MAST4: variants seen among roughly 807,000 people sequenced by gnomAD.
MAST4 encodes the protein microtubule-associated serine/threonine-protein kinase 4.
A neutral mutation model predicts 162.7 loss-of-function variants in MAST4; 89 were observed. The observed-to-expected ratio is 0.55, with a 90% CI of 0.46 to 0.65. MAST4 has a LOEUF of 0.65. MAST4 is among the 30% of genes least tolerant of loss of function. MAST4 has a pLI of 0.00. For synonymous variants in MAST4, 1,479 were observed against 1,361.1 expected (o/e 1.09, Z -1.91); for missense variants, 3,153 against 3,374.0 (o/e 0.93, Z 1.62).
chr5:66,668,454 A>G (rs1219846839), intron 1 of MAST4, among the ~76,000 whole-genome samples: 3 of 152,196 alleles, frequency 2.0e-5, no homozygotes, highest in Non-Finnish European at 4.4e-5. Flanking sequence ...TCAGTTGGTA[A>G]TTTGTATCCA....
chr5:67,011,509 G>A lies in MAST4; in HGVS notation c.675-42895G>A, dbSNP rs911512931. ...TCTGTCATTTCTAGTTAGCTCTCAC[G>A]TTGCTAATATTCCATGACGCCGTCC... On this transcript the variant is annotated intron_variant, in intron 4 of 28. Transcript: ENST00000403625. 1.2e-4 allele frequency among the ~76,000 whole-genome samples: 18 copies of A among 152,192 alleles called. No homozygotes were observed. The South Asian group carries it at 1.2e-3, about 10-fold the overall frequency.
At chr5:67,080,937 ATATAT>A (rs1210937258) in intron 5 of MAST4, among the ~76,000 whole-genome samples, 4 of 140,148 alleles carry the variant, frequency 2.9e-5, no homozygotes, top group African/African-American at 1.1e-4. Context: ...CTTTAATTAT[ATATAT>A]TATATAATAT....
chr5:67,015,550 T>C (rs1753189174), intron 4 of MAST4, among the ~76,000 whole-genome samples: 1 of 152,218 alleles, frequency 6.6e-6, no homozygotes, highest in South Asian at 2.1e-4. Context: ...CTCTGTTTTG[T>C]TTTTGCCGTC....
intron 1 of MAST4, among the ~76,000 whole-genome samples, chr5:66,712,208 A>AT (rs1224582692): frequency 1.3e-5 from 2 of 152,208 alleles, no homozygotes; most frequent in African/African-American, 4.8e-5. Context: ...TGTGGTATGT[A>AT]TATATTTAGG....
At chr5:66,634,142 C>T (rs1390592889) in intron 1 of MAST4, among the ~76,000 whole-genome samples, 1 of 151,798 alleles carries the variant, frequency 6.6e-6, no homozygotes, top group Non-Finnish European at 1.5e-5. Context: ...TCACCGCAAC[C>T]TCCACCTCCT....
intron 1 of MAST4, among the ~76,000 whole-genome samples, chr5:66,698,368 AC>A: frequency 8.0e-6 from 1 of 125,156 alleles, no homozygotes; most frequent in East Asian, 2.3e-4. Context: ...ACCCCTTTCC[AC>A]CCATCCCCAC....
At chr5:67,057,920 AATGAT>A (rs1759057785) in intron 5 of MAST4, among the ~76,000 whole-genome samples, 1 of 151,004 alleles carries the variant, frequency 6.6e-6, no homozygotes, top group Non-Finnish European at 1.5e-5. Context: ...CAAAACATGA[AATGAT>A]ATGTCATTGC....
intron 1 of MAST4, among the ~76,000 whole-genome samples, chr5:66,617,419 TG>T (rs1389400494): frequency 6.6e-6 from 1 of 152,142 alleles, no homozygotes; most frequent in African/African-American, 2.4e-5. Flanking sequence ...ATGATTCACA[TG>T]ATTTCAAAAC....
At chr5:66,794,081 T>C (rs1755541337) in intron 3 of MAST4, among the ~76,000 whole-genome samples, 1 of 152,208 alleles carries the variant, frequency 6.6e-6, no homozygotes, top group Admixed American at 6.5e-5. Context: ...CTCTTGTATA[T>C]TTATGGTTTT....
chr5:66,670,445 G>A (rs913646299), intron 1 of MAST4, among the ~76,000 whole-genome samples: 3 of 152,028 alleles, frequency 2.0e-5, no homozygotes, highest in Non-Finnish European at 4.4e-5. Context: ...TCCTTCCCGA[G>A]TTTATTATAA....
intron 2 of MAST4, among the ~76,000 whole-genome samples, chr5:66,760,077 C>CAATTTATTTATT (rs58766667): frequency 0.019 from 2,742 of 147,242 alleles, 73 homozygotes; most frequent in African/African-American, 0.032. Flanking sequence ...ACAATATCCC[C>CAATTTATTTATT]TATTTATTTA....
intron 1 of MAST4, among the ~76,000 whole-genome samples, chr5:66,643,185 C>T (rs544575705): frequency 1.3e-5 from 2 of 152,146 alleles, no homozygotes; most frequent in South Asian, 2.1e-4. Context: ...AGAAAAAATC[C>T]GCTTGATATG....
intron 3 of MAST4, among the ~76,000 whole-genome samples, chr5:66,837,894 A>T (rs897865793): frequency 3.7e-3 from 199 of 53,630 alleles, no homozygotes; most frequent in African/African-American, 7.3e-3. Flanking sequence ...ATATATATAT[A>T]TTTTTTTTTT....
At chr5:66,622,207 C>G (rs1744120426) in intron 1 of MAST4, among the ~76,000 whole-genome samples, 1 of 152,078 alleles carries the variant, frequency 6.6e-6, no homozygotes, top group African/African-American at 2.4e-5. Flanking sequence ...AAGATTTGAA[C>G]AAGATGATGT....
Position 67,007,721 on chromosome 5 carries a change from A to G in MAST4, c.675-46683A>G, listed in dbSNP as rs550526501. On this transcript the variant is annotated intron_variant, in intron 4 of 28. Coordinates refer to ENST00000403625, the MANE Select transcript of MAST4 (RefSeq NM_001164664.2). Reference sequence around the variant, plus strand: ...ACCTTAAACCTTTATTATGGTAGAAATTGTCATCATGGAAACTTTTGGTTT... The same window carrying G: ...ACCTTAAACCTTTATTATGGTAGAAGTTGTCATCATGGAAACTTTTGGTTT... Among the ~76,000 whole-genome samples, 26 of 152,304 alleles carry G rather than the reference A, an allele frequency of 1.7e-4. No individual in the cohort carries two copies. The South Asian group carries it at 4.8e-3, about 28-fold the overall frequency.
Position 67,165,224 on chromosome 5 carries a change from CCT to C in MAST4, c.6050_6051del (p.Ser2017CysfsTer33), listed in dbSNP as rs1221303473. ...AAACCAGTGACAACTCCAAAAATCT[CCT>C]CTCTGTGGGAAGGACCCACCCAGAT... is the stretch of plus-strand genomic sequence containing the variant. ...AKTSDNSKNL[L>X]SVGRTHPDFY... On this transcript the variant is annotated frameshift_variant, in exon 29 of 29. Transcript: ENST00000403625. LOFTEE classifies it low-confidence loss of function (END_TRUNC). The C allele has an allele frequency of 6.2e-7, 1 of 1,608,088 alleles. No individual in the cohort carries two copies. Among genetic ancestry groups the C allele is most frequent in the Non-Finnish European group, 8.5e-7 (1 of 1,175,640 alleles).
At chr5:66,665,936 C>A (rs6860284) in intron 1 of MAST4, among the ~76,000 whole-genome samples, 83,108 of 152,032 alleles carry the variant, frequency 0.55, 22,884 homozygotes, top group South Asian at 0.66. Flanking sequence ...CTGGAAAAAC[C>A]TATTGGAAGT....
At chr5:66,634,947 T>A (rs984642476) in intron 1 of MAST4, among the ~76,000 whole-genome samples, 2 of 152,170 alleles carry the variant, frequency 1.3e-5, no homozygotes, top group Non-Finnish European at 2.9e-5. Context: ...GCTCCAGATG[T>A]GGCCAGATGT....
chr5:67,089,228 G>A (rs1280167396), intron 5 of MAST4, among the ~76,000 whole-genome samples: 2 of 152,188 alleles, frequency 1.3e-5, no homozygotes, highest in Non-Finnish European at 2.9e-5. Context: ...GTGGTCCTCA[G>A]ACAATTCCGC....
Sources: allele counts gnomAD v4.1 joint callset (sites outside exome capture counted in the v4.1 genomes callset), GRCh38; gene constraint gnomAD v4.1.1; transcripts MANE v1.5; gene names NCBI Gene and HGNC (gene_info 2026-07-23, HGNC 2026-07-21).